ZSWIM5: variants seen among roughly 807,000 people sequenced by gnomAD.
ZSWIM5 encodes the protein zinc finger SWIM-type containing 5, also known as zinc finger SWIM domain-containing protein 5.
ZSWIM5 carries 55 observed loss-of-function variants against 119.6 expected under a neutral mutation model. The ratio of observed to expected loss-of-function variants is 0.46; its 90% CI spans 0.37 to 0.58. The LOEUF is 0.58. Ranked by LOEUF, ZSWIM5 falls within the 20% of genes least tolerant of loss-of-function variation. ZSWIM5 has a pLI of 0.00. For missense variants in ZSWIM5, 1,193 were observed against 1,512.8 expected (o/e 0.79, Z 3.51); for synonymous variants, 537 against 606.9 (o/e 0.88, Z 1.69).
intron 11 of ZSWIM5, among the ~76,000 whole-genome samples, chr1:45,024,337 G>A (rs537826596): frequency 2.0e-5 from 3 of 151,488 alleles, no homozygotes; most frequent in East Asian, 3.9e-4. Flanking sequence ...GATTACAGGC[G>A]TGCGCCACCA....
At chr1:45,123,810 ATAGT>A (rs1570124177) in intron 1 of ZSWIM5, among the ~76,000 whole-genome samples, 2 of 152,232 alleles carry the variant, frequency 1.3e-5, no homozygotes, top group East Asian at 3.8e-4. Context: ...AAGATACATC[ATAGT>A]TAAACTTCTG....
Position 45,164,581 on chromosome 1 carries a change from A to C in ZSWIM5, c.595+41175T>G, listed in dbSNP as rs1254694537. On this transcript the variant is annotated intron_variant, in intron 1 of 13. Transcript: ENST00000359600. Reference sequence around the variant, plus strand: ...GTGCTGTATTCAGGAGACCCATCTCACGTGCAGAGACACACATAGGCTCAA... The same window carrying C: ...GTGCTGTATTCAGGAGACCCATCTCCCGTGCAGAGACACACATAGGCTCAA... Among the ~76,000 whole-genome samples the C allele has an allele frequency of 4.6e-5, 7 of 152,268 alleles. No individual in the cohort carries two copies. In the East Asian group the frequency reaches 1.3e-3, roughly 29 times the overall value.
intron 11 of ZSWIM5, among the ~76,000 whole-genome samples, chr1:45,023,949 C>T (rs1484333249): frequency 6.6e-6 from 1 of 152,146 alleles, no homozygotes; most frequent in African/African-American, 2.4e-5. Context: ...ATTTGTAATT[C>T]CCTAATGACA....
At chr1:45,106,429 GAT>G (rs1422668362) in intron 1 of ZSWIM5, among the ~76,000 whole-genome samples, 5 of 146,942 alleles carry the variant, frequency 3.4e-5, no homozygotes, top group African/African-American at 1.3e-4. Flanking sequence ...CCCCATCTGG[GAT>G]ATGAGGAGCG....
intron 11 of ZSWIM5, among the ~76,000 whole-genome samples, chr1:45,022,942 G>A (rs1644897060): frequency 6.6e-6 from 1 of 152,052 alleles, no homozygotes; most frequent in South Asian, 2.1e-4. Flanking sequence ...TTGAAGTTTT[G>A]CTTTTTGGAA....
At chr1:45,179,664 G>A (rs1646003760) in intron 1 of ZSWIM5, among the ~76,000 whole-genome samples, 1 of 152,100 alleles carries the variant, frequency 6.6e-6, no homozygotes, top group Non-Finnish European at 1.5e-5. Context: ...CCAATAAATG[G>A]GGAGACATCC....
chr1:45,162,082 T>C (rs1455057522), intron 1 of ZSWIM5, among the ~76,000 whole-genome samples: 1 of 152,244 alleles, frequency 6.6e-6, no homozygotes. Flanking sequence ...GTATGATCCA[T>C]ATGAAAATTA....
In ZSWIM5 at chr1:45,088,625, C is replaced by CAAGTCTA. The variant is rs1645346003; in HGVS notation, c.596-395_596-389dup. The stretch of plus-strand genomic sequence containing the variant: ...TTCAGCTCTAGGTGGTAGGCAAAGA[C>CAAGTCTA]AAGTCTACAAATAATATCTGTATAA... On this transcript the variant is annotated intron_variant, in intron 1 of 13. Coordinates refer to ENST00000359600, the MANE Select transcript of ZSWIM5 (RefSeq NM_020883.2). This position sits in a 1 kb window ranked among gnomAD's most constrained non-coding sequence, Gnocchi z 4.2. 6.6e-6 allele frequency among the ~76,000 whole-genome samples: 1 copy of CAAGTCTA among 151,930 alleles called. No individual in the cohort carries two copies.
intron 2 of ZSWIM5, among the ~76,000 whole-genome samples, chr1:45,068,107 C>G (rs140513169): frequency 3.5e-5 from 4 of 113,302 alleles, no homozygotes; most frequent in African/African-American, 1.0e-4. Flanking sequence ...TTTTTTTTTT[C>G]TTTTTTTTTT....
At chr1:45,193,938 G>A (rs1570207084) in intron 1 of ZSWIM5, among the ~76,000 whole-genome samples, 1 of 146,210 alleles carries the variant, frequency 6.8e-6, no homozygotes, top group African/African-American at 2.5e-5. Flanking sequence ...GTGCATATGT[G>A]TATATATATA....
intron 1 of ZSWIM5, among the ~76,000 whole-genome samples, chr1:45,094,966 C>A (rs924581268): frequency 6.6e-6 from 1 of 152,052 alleles, no homozygotes; most frequent in African/African-American, 2.4e-5. Flanking sequence ...CTTTAACCTA[C>A]CGTTTACCAA....
chr1:45,065,533 T>C (rs940700581), intron 2 of ZSWIM5, among the ~76,000 whole-genome samples: 12 of 152,186 alleles, frequency 7.9e-5, no homozygotes, highest in Admixed American at 3.3e-4. Flanking sequence ...TGTATATCTA[T>C]GGAAAACTGC....
intron 8 of ZSWIM5, among the ~76,000 whole-genome samples, chr1:45,037,437 C>T (rs982669801): frequency 6.6e-6 from 1 of 152,162 alleles, no homozygotes; most frequent in Non-Finnish European, 1.5e-5. Flanking sequence ...TATGAACTGG[C>T]TAAGCCAGTT....
intron 11 of ZSWIM5, among the ~76,000 whole-genome samples, chr1:45,022,044 G>A (rs1019714978): frequency 6.7e-6 from 1 of 150,172 alleles, no homozygotes; most frequent in Non-Finnish European, 1.5e-5. Flanking sequence ...ATAAATAAGA[G>A]TTCAATAACT....
intron 1 of ZSWIM5, among the ~76,000 whole-genome samples, chr1:45,172,679 C>G (rs1476202101): frequency 6.6e-6 from 1 of 152,036 alleles, no homozygotes; most frequent in Non-Finnish European, 1.5e-5. Context: ...AAAATATCCT[C>G]CCCCAAAAGG....
intron 1 of ZSWIM5, among the ~76,000 whole-genome samples, chr1:45,201,041 G>T (rs142749570): frequency 6.6e-6 from 1 of 152,096 alleles, no homozygotes. Flanking sequence ...CAATATGACC[G>T]GTGTCCTTAT....
intron 1 of ZSWIM5, among the ~76,000 whole-genome samples, chr1:45,175,051 A>C (rs1292042848): frequency 6.6e-6 from 1 of 152,046 alleles, no homozygotes; most frequent in Admixed American, 6.6e-5. Context: ...AAAGTCATAC[A>C]ATGCATTTAG....
chr1:45,055,261 A>T (rs1645115448), intron 4 of ZSWIM5, among the ~76,000 whole-genome samples: 1 of 152,140 alleles, frequency 6.6e-6, no homozygotes, highest in African/African-American at 2.4e-5. Context: ...AAGTGCTGGG[A>T]TTACAGGTGT....
At chr1:45,026,903 T>G in intron 11 of ZSWIM5, among the ~76,000 whole-genome samples, 1 of 152,172 alleles carries the variant, frequency 6.6e-6, no homozygotes, top group Non-Finnish European at 1.5e-5. Context: ...AATATAGGCC[T>G]ATTCAGATTA....
Sources: gnomAD v4.1 joint callset for allele counts (sites outside exome capture counted in the v4.1 genomes callset) on GRCh38, gnomAD v4.1.1 for gene constraint, Gnocchi (gnomAD v3.1) non-coding constraint, MANE v1.5 for transcripts, NCBI Gene and HGNC (gene_info 2026-07-23, HGNC 2026-07-21) for gene names.